Variants in VPS54 observed in about 807,000 individuals in gnomAD.
VPS54 encodes vacuolar protein sorting-associated protein 54.
In VPS54, 45 loss-of-function variants were observed where a neutral mutation model predicts 121.5. The observed-to-expected ratio is 0.37, with a 90% confidence interval of 0.29 to 0.47. The LOEUF (loss-of-function observed/expected upper bound fraction) is 0.47. Among genes scored for constraint, VPS54 ranks in the 20% least tolerant of loss-of-function variants. The pLI, the probability that VPS54 is intolerant of heterozygous loss-of-function variation, is 0.99. For synonymous variants in VPS54, 371 were observed against 385.8 expected (o/e 0.96, Z 0.45); for missense variants, 1,090 against 1,131.4 (o/e 0.96, Z 0.52).
chr2:64,000,050 C>G (rs956672079), intron 1 of VPS54, among the ~76,000 whole-genome samples: 2 of 151,876 alleles, frequency 1.3e-5, no homozygotes, highest in Non-Finnish European at 2.9e-5. Context: ...TTAGTAGAGG[C>G]AGGGTTTCAC....
intron 1 of VPS54, among the ~76,000 whole-genome samples, chr2:63,994,293 A>G (rs187548841): frequency 7.9e-5 from 12 of 152,202 alleles, no homozygotes. Flanking sequence ...TCTCGCTTAC[A>G]CTAGGTTTTA....
At chr2:63,916,819 T>C in intron 16 of VPS54, 81 bp downstream of exon 16, 1 of 1,380,600 alleles carries the variant, frequency 7.2e-7, no homozygotes, top group Admixed American at 1.8e-5. Context: ...ATCCAAAATT[T>C]CCAATTCACT....
At chr2:63,990,688 G>C (rs931805810) in intron 1 of VPS54, among the ~76,000 whole-genome samples, 21 of 152,138 alleles carry the variant, frequency 1.4e-4, no homozygotes, top group African/African-American at 4.8e-4. Flanking sequence ...CTCTGTCTCA[G>C]ATACCTACTC....
intron 17 of VPS54, 107 bp from the exon 18 acceptor site, chr2:63,913,417 G>A: frequency 3.0e-6 from 2 of 676,768 alleles, no homozygotes; most frequent in East Asian, 3.1e-5. Context: ...TCATTCAATG[G>A]CCAAATGAAT....
chr2:63,921,765 G>T (rs1465453829), intron 12 of VPS54, among the ~76,000 whole-genome samples: 1 of 152,148 alleles, frequency 6.6e-6, no homozygotes, highest in Non-Finnish European at 1.5e-5. Context: ...TTACAAGTGT[G>T]AGCCACTGTG....
chr2:63,916,783 C>T, intron 16 of VPS54, 117 bp downstream of exon 16: 1 of 921,488 alleles, frequency 1.1e-6, no homozygotes, highest in Non-Finnish European at 1.7e-6. Context: ...ACAGTTAATC[C>T]AAATTTAACA....
intron 1 of VPS54, among the ~76,000 whole-genome samples, chr2:63,984,682 C>G (rs1425790306): frequency 6.6e-6 from 1 of 152,126 alleles, no homozygotes; most frequent in Non-Finnish European, 1.5e-5. Flanking sequence ...AAAGAGCTTG[C>G]AACTGTATTA....
intron 12 of VPS54, among the ~76,000 whole-genome samples, chr2:63,924,407 A>G (rs546342829): frequency 6.6e-6 from 1 of 152,228 alleles, no homozygotes; most frequent in Non-Finnish European, 1.5e-5. Context: ...ACAAATCTAC[A>G]TGAAGGTAAC....
At chr2:64,015,785 A>C (rs139557211) in intron 1 of VPS54, among the ~76,000 whole-genome samples, 1 of 152,228 alleles carries the variant, frequency 6.6e-6, no homozygotes, top group African/African-American at 2.4e-5. Flanking sequence ...CATTAATAGT[A>C]TAAGAAGATA....
At chr2:63,970,212 TACACACAC>T (rs150635007) in intron 4 of VPS54, among the ~76,000 whole-genome samples, 11 of 113,692 alleles carry the variant, frequency 9.7e-5, no homozygotes, top group South Asian at 3.0e-4. Context: ...AATATATATA[TACACACAC>T]ACACACACAC....
chr2:63,934,070 C>T, intron 11 of VPS54, 57 bp from the exon 12 acceptor site: 1 of 1,449,680 alleles, frequency 6.9e-7, no homozygotes, highest in Non-Finnish European at 9.3e-7. Flanking sequence ...ACCTGAAGTT[C>T]CCAAAAGAGA....
intron 3 of VPS54, among the ~76,000 whole-genome samples, chr2:63,976,425 G>A (rs1228245018): frequency 1.3e-5 from 2 of 151,054 alleles, no homozygotes; most frequent in African/African-American, 2.4e-5. Flanking sequence ...GCTTTTGTCT[G>A]ATTTTAGTAT....
At chr2:63,986,552 T>A (rs557258732) in intron 1 of VPS54, among the ~76,000 whole-genome samples, 1 of 152,252 alleles carries the variant, frequency 6.6e-6, no homozygotes, top group Non-Finnish European at 1.5e-5. Context: ...CTATTGTGAA[T>A]ACTGCTGCAA....
chr2:63,931,975 A>G (rs1481753785), intron 12 of VPS54, among the ~76,000 whole-genome samples: 4 of 152,254 alleles, frequency 2.6e-5, no homozygotes, highest in African/African-American at 9.6e-5. Context: ...CACTCCAGTT[A>G]GAATGGCGAT....
chr2:63,996,711 G>A (rs1383650108), intron 1 of VPS54, among the ~76,000 whole-genome samples: 6 of 152,174 alleles, frequency 3.9e-5, no homozygotes, highest in Non-Finnish European at 5.9e-5. Context: ...TAAAATGGCC[G>A]CTCTGGGAGT....
intron 3 of VPS54, 72 bp from the exon 4 acceptor site, chr2:63,972,316 A>G: frequency 8.4e-7 from 1 of 1,190,938 alleles, no homozygotes; most frequent in Non-Finnish European, 1.2e-6. Context: ...AGTGTTTTGC[A>G]ACAGAATATC....
intron 12 of VPS54, among the ~76,000 whole-genome samples, chr2:63,924,799 G>A (rs1673820023): frequency 6.6e-6 from 1 of 152,170 alleles, no homozygotes; most frequent in Non-Finnish European, 1.5e-5. Flanking sequence ...TATGTCAAGA[G>A]TGACATTATA....
Position 63,912,401 on chromosome 2 carries a change from T to C in VPS54, c.2569A>G (p.Ile857Val), listed in dbSNP as rs1335822922. Residue 857 changes from isoleucine to valine, a missense_variant, in exon 20 of 23, where the codon ATA becomes GTA. By Grantham distance (29) the Ile-to-Val change is conservative. This residue lies in a region of VPS54 where 289 missense variants were observed against 374.4 expected (regional missense o/e 0.77). Coordinates refer to ENST00000272322, the MANE Select transcript of VPS54 (RefSeq NM_016516.3). ...ATTATCGCTACAAGCTTAGCTGATATTTCAGCTATGTGATCATGGTAGTCC... is the reference window on the plus strand; with the variant it reads ...ATTATCGCTACAAGCTTAGCTGATACTTCAGCTATGTGATCATGGTAGTCC... ...TKDYHDHIAE[I>V]SAKLVAIMDS... 6.2e-7 allele frequency: 1 copy of C among 1,612,522 alleles called. No individual in the cohort carries two copies. The highest frequency in any genetic ancestry group is 2.2e-5 in the East Asian group (1 of 44,788).
intron 8 of VPS54, 25 bp downstream of exon 8, chr2:63,949,012 T>C: frequency 6.2e-7 from 1 of 1,605,858 alleles, no homozygotes; most frequent in Non-Finnish European, 8.5e-7. Context: ...TGGCATCAAC[T>C]TCATTCCACA....
Sources: allele counts gnomAD v4.1 joint callset (sites outside exome capture counted in the v4.1 genomes callset), GRCh38; gene constraint gnomAD v4.1.1; regional missense constraint gnomAD v4.1.1; transcripts MANE v1.5; gene names NCBI Gene and HGNC (gene_info 2026-07-23, HGNC 2026-07-21).